TUSC3: variants seen among roughly 807,000 people sequenced by gnomAD.
TUSC3 encodes the protein tumor suppressor candidate 3, also known as dolichyl-diphosphooligosaccharide--protein glycosyltransferase subunit TUSC3.
Under a neutral mutation model 44.8 loss-of-function variants are expected in TUSC3, and 45 were observed. The observed-to-expected ratio is 1.00, with a 90% CI of 0.79 to 1.29. The LOEUF (loss-of-function observed/expected upper bound fraction) is 1.29, where lower values mean the gene tolerates loss of function less well. Among genes scored for constraint, TUSC3 ranks in the 50% most tolerant of loss-of-function variants. The pLI is 0.00. For synonymous variants in TUSC3, 212 were observed against 152.9 expected, an observed-to-expected ratio of 1.39 and a Z score of -2.85; for missense variants, 519 against 437.9, an observed-to-expected ratio of 1.19 and a Z score of -1.65.
At chr8:15,457,315 A>C (rs141672398) in intron 1 of TUSC3, among the ~76,000 whole-genome samples, 135 of 152,016 alleles carry the variant, frequency 8.9e-4, no homozygotes, top group African/African-American at 2.8e-3. Flanking sequence ...TTAAAGTATA[A>C]TAAAAATATA....
intron 1 of TUSC3, among the ~76,000 whole-genome samples, chr8:15,600,004 C>G (rs938876141): frequency 2.0e-5 from 3 of 151,700 alleles, no homozygotes; most frequent in East Asian, 1.9e-4. Context: ...CATCTGCAAA[C>G]AAAGACAGTT....
At chr8:15,417,294 G>A (rs1291643014) in exon 1 of TUSC3, 1 of 152,460 alleles carries the variant, frequency 6.6e-6, no homozygotes, top group African/African-American at 2.4e-5. Flanking sequence ...TTCCTGCATA[G>A]CCTGCAGAAA....
chr8:15,743,376 C>T, intron 7 of TUSC3, 162 bp from the exon 8 acceptor site: 1 of 721,182 alleles, frequency 1.4e-6, no homozygotes, highest in Non-Finnish European at 2.4e-6. Context: ...GGCATATTTG[C>T]TCACAAAGAA....
intron 2 of TUSC3, among the ~76,000 whole-genome samples, chr8:15,635,907 C>T (rs190303383): frequency 5.9e-5 from 9 of 152,206 alleles, no homozygotes; most frequent in East Asian, 1.9e-4. Flanking sequence ...TGGGCGACTA[C>T]GTTAAGTGAC....
chr8:15,718,797 A>G (rs1810171528), intron 6 of TUSC3, among the ~76,000 whole-genome samples: 3 of 152,114 alleles, frequency 2.0e-5, no homozygotes, highest in South Asian at 4.1e-4. Flanking sequence ...ATACTCAAAT[A>G]TGTGTTTACT....
chr8:15,603,763 C>G (rs1057106465), intron 1 of TUSC3, among the ~76,000 whole-genome samples: 1 of 148,850 alleles, frequency 6.7e-6, no homozygotes, highest in Non-Finnish European at 1.5e-5. Flanking sequence ...TATGGTTTAC[C>G]AAGTCACAGG....
intron 6 of TUSC3, among the ~76,000 whole-genome samples, chr8:15,718,526 G>C (rs1421254): frequency 0.37 from 56,540 of 151,922 alleles, 10,934 homozygotes; most frequent in East Asian, 0.48. Flanking sequence ...TGAAAATATA[G>C]ACCTGGCTGG....
the TUSC3 span, among the ~76,000 whole-genome samples, chr8:15,784,205 T>C: frequency 6.6e-6 from 1 of 152,094 alleles, no homozygotes; most frequent in Admixed American, 6.6e-5. Context: ...TAAGTGATGG[T>C]GAGGATGTGG....
intron 1 of TUSC3, among the ~76,000 whole-genome samples, chr8:15,479,949 A>G (rs1298149422): frequency 6.6e-6 from 1 of 152,170 alleles, no homozygotes. Context: ...CAACTTCAGC[A>G]AAGTCTCAGG....
At chr8:15,684,183 T>A (rs1585226492) in intron 6 of TUSC3, among the ~76,000 whole-genome samples, 1 of 151,932 alleles carries the variant, frequency 6.6e-6, no homozygotes, top group East Asian at 1.9e-4. Flanking sequence ...CTGGTGCCTT[T>A]CCAATGTTTA....
chr8:15,817,606 C>A, the TUSC3 span, among the ~76,000 whole-genome samples: 188 of 151,760 alleles, frequency 1.2e-3, no homozygotes, highest in African/African-American at 4.4e-3. Flanking sequence ...TTCCCCTCCA[C>A]CTCTGCTCTG....
intron 1 of TUSC3, among the ~76,000 whole-genome samples, chr8:15,445,848 A>G (rs1800088818): frequency 2.0e-5 from 3 of 152,222 alleles, no homozygotes; most frequent in South Asian, 4.1e-4. Flanking sequence ...CCCAGATGGT[A>G]GACGGGGTGG....
intron 2 of TUSC3, among the ~76,000 whole-genome samples, chr8:15,642,936 A>G (rs1310099733): frequency 2.0e-5 from 3 of 152,212 alleles, no homozygotes; most frequent in South Asian, 2.1e-4. Context: ...CAAATATTAA[A>G]TACATATTAT....
chr8:15,587,980 A>G (rs1803667740), intron 1 of TUSC3, among the ~76,000 whole-genome samples: 1 of 151,978 alleles, frequency 6.6e-6, no homozygotes, highest in African/African-American at 2.4e-5. Flanking sequence ...AGACATTTAG[A>G]TTGGTATCTT....
At chr8:15,696,090 A>G (rs373497446) in intron 6 of TUSC3, among the ~76,000 whole-genome samples, 76 of 152,284 alleles carry the variant, frequency 5.0e-4, no homozygotes, top group African/African-American at 1.8e-3. Context: ...CCCCAAGACA[A>G]TGGGGAAAAT....
At chr8:15,675,620 T>C (rs1262277336) in intron 6 of TUSC3, among the ~76,000 whole-genome samples, 4 of 152,070 alleles carry the variant, frequency 2.6e-5, no homozygotes, top group African/African-American at 9.7e-5. Flanking sequence ...TCTAATAGGC[T>C]GCAGTGTCTG....
At chr8:15,775,229 C>A in the TUSC3 span, among the ~76,000 whole-genome samples, 5 of 152,072 alleles carry the variant, frequency 3.3e-5, no homozygotes, top group African/African-American at 4.8e-5. Context: ...GTATATCATT[C>A]CTTTTATATG....
chr8:15,443,200 C>G (rs1800043383), intron 1 of TUSC3, among the ~76,000 whole-genome samples: 1 of 151,900 alleles, frequency 6.6e-6, no homozygotes, highest in African/African-American at 2.4e-5. Context: ...GCATCTCACA[C>G]TGTCACCCAG....
chr8:15,503,771 G>A (rs1210350433), intron 2 of TUSC3, among the ~76,000 whole-genome samples: 3 of 152,048 alleles, frequency 2.0e-5, no homozygotes, highest in Non-Finnish European at 4.4e-5. Flanking sequence ...GGGATCCTGA[G>A]GCGGGTGAAT....
Sources: gnomAD v4.1 joint callset for allele counts (sites outside exome capture counted in the v4.1 genomes callset) on GRCh38, gnomAD v4.1.1 for gene constraint, MANE v1.5 for transcripts, NCBI Gene and HGNC (gene_info 2026-07-23, HGNC 2026-07-21) for gene names.